The following GSKIP variants were observed in gnomAD, a reference collection of about 807,000 sequenced individuals.
GSKIP encodes GSK3B-interacting protein.
GSKIP carries 5 observed loss-of-function variants against 11.9 expected under a neutral mutation model. That is an observed-to-expected ratio of 0.42 (90% CI 0.22 to 0.89). The LOEUF is 0.89. Ranked by LOEUF, GSKIP falls within the 40% of genes least tolerant of loss-of-function variation. The pLI, the probability that GSKIP is intolerant of heterozygous loss-of-function variation, is 0.29. For missense variants in GSKIP, 150 were observed against 166.6 expected, an observed-to-expected ratio of 0.90 and a Z score of 0.55; for synonymous variants, 70 against 62.9, an observed-to-expected ratio of 1.11 and a Z score of -0.54.
At chr14:96,370,907 A>C (rs1451760538) in intron 1 of GSKIP, among the ~76,000 whole-genome samples, 1 of 152,242 alleles carries the variant, frequency 6.6e-6, no homozygotes, top group Non-Finnish European at 1.5e-5. Context: ...TAATTACAAG[A>C]ATATAAATAT....
chr14:96,383,579 G>A (rs183868043), intron 3 of GSKIP, among the ~76,000 whole-genome samples: 2 of 152,224 alleles, frequency 1.3e-5, no homozygotes, highest in African/African-American at 4.8e-5. Flanking sequence ...GGTGAGCAAG[G>A]CCTGCCTAAG....
At chr14:96,382,567 AGG>A in intron 3 of GSKIP, 62 bp downstream of exon 3, 2 of 1,275,956 alleles carry the variant, frequency 1.6e-6, no homozygotes, top group Non-Finnish European at 2.2e-6. Flanking sequence ...TATCAAAAAG[AGG>A]GGTAGTGGGG....
At chr14:96,375,989 C>G (rs907822855) in intron 1 of GSKIP, among the ~76,000 whole-genome samples, 3 of 152,172 alleles carry the variant, frequency 2.0e-5, no homozygotes, top group Non-Finnish European at 4.4e-5. Context: ...CACTCATGAC[C>G]CAGTCACCTC....
In GSKIP at chr14:96,382,282, G is replaced by A. The variant is rs1373390496; in HGVS notation, c.35G>A (p.Ser12Asn). ...ETDCNPMELS[S>N]MSGFEEGSEL... ...GACTGTAATCCCATGGAGCTAAGCAGTATGTCAGGATTTGAAGAAGGTTCA... is the reference window on the plus strand; with the variant it reads ...GACTGTAATCCCATGGAGCTAAGCAATATGTCAGGATTTGAAGAAGGTTCA... The change falls in exon 3 of 4, where the codon AGT becomes AAT. Residue 12 changes from serine (S) to asparagine (N), a missense_variant. Physicochemically the swap from Ser to Asn is conservative, Grantham distance 46. Transcript: ENST00000555181. The A allele has an allele frequency of 6.2e-7, 1 of 1,610,110 alleles. No homozygotes were observed. Among genetic ancestry groups the A allele is most frequent in the Non-Finnish European group, 8.5e-7 (1 of 1,177,394 alleles).
chr14:96,385,557 A>T lies in GSKIP; in HGVS notation c.293A>T (p.His98Leu). 1.2e-6 allele frequency: 2 copies of T among 1,612,632 alleles called. No homozygotes were observed. The highest frequency in any genetic ancestry group is 8.5e-7 in the Non-Finnish European group (1 of 1,179,226). ...TATGCTTTTGACCAGGTAGATGATC[A>T]TTTACAGACTCCCTACCATGAAACA... ...VGYAFDQVDD[H>L]LQTPYHETVY... is the part of the protein sequence containing the mutation. Residue 98 changes from histidine to leucine, a missense_variant, in exon 4 of 4, where the codon CAT (histidine) becomes CTT (leucine). Transcript: ENST00000555181.
At chr14:96,377,379 T>A (rs1479676716) in intron 1 of GSKIP, among the ~76,000 whole-genome samples, 1 of 152,236 alleles carries the variant, frequency 6.6e-6, no homozygotes, top group Non-Finnish European at 1.5e-5. Flanking sequence ...GGTAACCTGA[T>A]GGCAGTTCTA....
chr14:96,368,229 C>T (rs1367468740), intron 1 of GSKIP, among the ~76,000 whole-genome samples: 21 of 148,098 alleles, frequency 1.4e-4, no homozygotes. Context: ...GTCACTCAGA[C>T]TGGAGTGCAG....
chr14:96,377,228 G>A (rs1889226142), intron 1 of GSKIP, among the ~76,000 whole-genome samples: 1 of 152,176 alleles, frequency 6.6e-6, no homozygotes, highest in South Asian at 2.1e-4. Context: ...TGCTGTATTG[G>A]AGGGCAACAA....
rs1012151936 is a variant in GSKIP at position 96,385,931 on chromosome 14, C to G, written c.*247C>G. 8.0e-6 allele frequency: 3 copies of G among 374,396 alleles called. No individual in the cohort carries two copies. The highest frequency in any genetic ancestry group is 1.5e-5 in the Non-Finnish European group (3 of 203,740). The allele number at this position is 374,396 out of a possible 1,614,324, so 23.2% of individuals were successfully genotyped here. On this transcript the variant is annotated 3_prime_UTR_variant, in exon 4 of 4. Coordinates refer to ENST00000555181, the MANE Select transcript of GSKIP (RefSeq NM_016472.5). ...ACATTCACATGTCTTCATATAATAT[C>G]TCTTCATTTCAAATCCTAATCACTA...
At chr14:96,381,466 T>A (rs1236120270) in intron 2 of GSKIP, among the ~76,000 whole-genome samples, 1 of 152,150 alleles carries the variant, frequency 6.6e-6, no homozygotes, top group Non-Finnish European at 1.5e-5. Flanking sequence ...AGGGGATTTT[T>A]AAAATGTAAT....
intron 3 of GSKIP, among the ~76,000 whole-genome samples, chr14:96,383,374 C>A (rs1889401796): frequency 1.3e-5 from 2 of 151,022 alleles, no homozygotes; most frequent in Admixed American, 1.3e-4. Flanking sequence ...ATACTCCAGC[C>A]TGGGTACACA....
chr14:96,372,756 A>G (rs1229299207), intron 1 of GSKIP, among the ~76,000 whole-genome samples: 1 of 152,170 alleles, frequency 6.6e-6, no homozygotes, highest in Non-Finnish European at 1.5e-5. Flanking sequence ...GTCTCCCTGA[A>G]TTGAGGACAT....
At chr14:96,384,815 A>G (rs1889444905) in intron 3 of GSKIP, 1 of 151,926 alleles carries the variant, frequency 6.6e-6, no homozygotes, top group Admixed American at 6.6e-5. Flanking sequence ...GTGTACCCCT[A>G]CCAAGAAAAA....
intron 1 of GSKIP, among the ~76,000 whole-genome samples, chr14:96,374,504 A>G (rs1889143214): frequency 6.6e-6 from 1 of 152,184 alleles, no homozygotes; most frequent in African/African-American, 2.4e-5. Context: ...GAAACAAGAC[A>G]AGCAAGGTGT....
intron 1 of GSKIP, among the ~76,000 whole-genome samples, chr14:96,378,118 G>A (rs937960796): frequency 1.6e-4 from 24 of 152,312 alleles, no homozygotes; most frequent in Middle Eastern, 3.4e-3. Flanking sequence ...CATTGTGGGA[G>A]ACCAAGGCAG....
intron 1 of GSKIP, among the ~76,000 whole-genome samples, chr14:96,377,177 A>C (rs1265272034): frequency 5.3e-5 from 8 of 152,208 alleles, no homozygotes; most frequent in Admixed American, 5.2e-4. Flanking sequence ...TTTTAATTCA[A>C]TTTCTCCATC....
chr14:96,376,308 C>G lies in GSKIP; in HGVS notation c.-102-3380C>G, dbSNP rs74419877. On this transcript the variant is annotated intron_variant, in intron 1 of 3. Coordinates refer to ENST00000555181, the MANE Select transcript of GSKIP (RefSeq NM_016472.5). ...TCCTTGTATTTTAGCCCGACTAGTT[C>G]CTGCCACACCCTGTGCTGACCTTTG... 2.6e-5 allele frequency among the ~76,000 whole-genome samples: 4 copies of G among 151,228 alleles called. No individual in the cohort carries two copies. The East Asian group carries it at 5.8e-4, about 22-fold the overall frequency.
At chr14:96,377,672 C>T (rs1015285401) in intron 1 of GSKIP, among the ~76,000 whole-genome samples, 3 of 152,164 alleles carry the variant, frequency 2.0e-5, no homozygotes, top group African/African-American at 7.2e-5. Context: ...TCTCAAGTGT[C>T]GGTCAACATA....
intron 1 of GSKIP, chr14:96,364,027 C>T (rs1888786183): frequency 6.6e-6 from 1 of 152,314 alleles, no homozygotes; most frequent in Non-Finnish European, 1.5e-5. Context: ...TAGCAACGAT[C>T]AGGAAACTTG....
Sources: allele counts gnomAD v4.1 joint callset (sites outside exome capture counted in the v4.1 genomes callset), GRCh38; gene constraint gnomAD v4.1.1; transcripts MANE v1.5; gene names NCBI Gene and HGNC (gene_info 2026-07-23, HGNC 2026-07-21).